DAB1: variants seen among roughly 807,000 people sequenced by gnomAD.
The protein encoded by DAB1 is disabled homolog 1.
In DAB1, 15 loss-of-function variants were observed where a neutral mutation model predicts 64.6. The observed-to-expected ratio is 0.23, with a 90% CI of 0.16 to 0.36. The LOEUF is 0.36. Among genes scored for constraint, DAB1 ranks in the 10% least tolerant of loss-of-function variants. The probability of loss-of-function intolerance (pLI) is 1.00; values close to 1 mark genes in which losing one functional copy is unlikely to be tolerated. For synonymous variants in DAB1, 235 were observed against 251.9 expected (o/e 0.93, Z 0.64); for missense variants, 596 against 706.7 (o/e 0.84, Z 1.78).
intron 4 of DAB1, among the ~76,000 whole-genome samples, chr1:57,116,261 A>G (rs2100737798): frequency 6.6e-6 from 1 of 152,042 alleles, no homozygotes; most frequent in South Asian, 2.1e-4. Context: ...CAGGAGTTCG[A>G]GACCAGCCTG....
chr1:57,742,436 G>A (rs1268371522), intron 6 of DAB1, among the ~76,000 whole-genome samples: 1 of 152,186 alleles, frequency 6.6e-6, no homozygotes, highest in Non-Finnish European at 1.5e-5. Flanking sequence ...ACCCTGGCTG[G>A]TGTCAGTGAG....
In DAB1 at chr1:57,145,447, A is replaced by T; in HGVS notation, c.68-18T>A. The stretch of plus-strand genomic sequence containing the variant: ...ATCCTGACCTAAAAAGAGAAAAAGC[A>T]GATTCAAATATGTAGCTGTGCAGAC... On this transcript the variant is annotated intron_variant, in intron 2 of 14. Transcript: ENST00000371236. 1 of 1,613,726 alleles carries T rather than the reference A, an allele frequency of 6.2e-7. No homozygotes were observed. Among genetic ancestry groups the T allele is most frequent in the Non-Finnish European group, 8.5e-7 (1 of 1,179,742 alleles).
intron 5 of DAB1, among the ~76,000 whole-genome samples, chr1:58,038,355 A>C (rs1367579902): frequency 6.6e-6 from 1 of 152,070 alleles, no homozygotes; most frequent in African/African-American, 2.4e-5. Flanking sequence ...CTGGATTGGC[A>C]ACTAAACAGC....
intron 5 of DAB1, among the ~76,000 whole-genome samples, chr1:57,966,013 A>G (rs1445361415): frequency 6.6e-6 from 1 of 152,198 alleles, no homozygotes; most frequent in Non-Finnish European, 1.5e-5. Flanking sequence ...AAGAGTTAGC[A>G]TCTTGCCTAG....
At chr1:58,090,922 CTT>C (rs1442637548) in intron 5 of DAB1, among the ~76,000 whole-genome samples, 1 of 152,194 alleles carries the variant, frequency 6.6e-6, no homozygotes. Context: ...AGGAAAGAGA[CTT>C]ATATAGTTTA....
chr1:58,257,783 A>T (rs1660965162), intron 4 of DAB1, among the ~76,000 whole-genome samples: 1 of 152,230 alleles, frequency 6.6e-6, no homozygotes, highest in Non-Finnish European at 1.5e-5. Context: ...GGGGGAGCTA[A>T]ACCTCAGAGA....
rs1199328123 is a variant in DAB1, at chr1:58,300,636, G to C, written n.309+42716C>G. ...AGAGAGAGAGAGAGAGAGAGAGAGA[G>C]AGAGAGAGAGAGGAAGGAAGGAAGG... On this transcript the variant is annotated intron_variant and non_coding_transcript_variant, in intron 4 of 20. Coordinates refer to the DAB1 transcript ENST00000485760. 3.4e-3 allele frequency among the ~76,000 whole-genome samples: 199 copies of C among 59,130 alleles called. 3 individuals carry two copies. Among genetic ancestry groups the C allele is most frequent in the African/African-American group, 0.011 (190 of 17,904 alleles). 38.8% of individuals were successfully genotyped at this position (59,130 alleles called of 152,430 possible).
chr1:57,288,288 T>A (rs537401284), intron 2 of DAB1, among the ~76,000 whole-genome samples: 1 of 152,200 alleles, frequency 6.6e-6, no homozygotes, highest in South Asian at 2.1e-4. Flanking sequence ...GTGATGATGA[T>A]GATGATGATA....
intron 4 of DAB1, among the ~76,000 whole-genome samples, chr1:58,187,178 G>A (rs1265451163): frequency 6.6e-6 from 1 of 151,952 alleles, no homozygotes; most frequent in Non-Finnish European, 1.5e-5. Context: ...TCTGACTCCA[G>A]CCAGGCACAG....
At chr1:57,406,963 C>G (rs1490623480) in intron 1 of DAB1, among the ~76,000 whole-genome samples, 3 of 152,206 alleles carry the variant, frequency 2.0e-5, no homozygotes, top group African/African-American at 7.2e-5. Context: ...GATATTTTTA[C>G]CTACAGAACA....
chr1:58,345,879 T>C (rs561337026), intron 3 of DAB1, among the ~76,000 whole-genome samples: 3 of 152,306 alleles, frequency 2.0e-5, no homozygotes, highest in Non-Finnish European at 4.4e-5. Flanking sequence ...GGGGTTATAA[T>C]GTGCCCTGCC....
intron 6 of DAB1, among the ~76,000 whole-genome samples, chr1:57,766,831 G>T (rs1484135687): frequency 6.6e-6 from 1 of 152,146 alleles, no homozygotes; most frequent in Non-Finnish European, 1.5e-5. Flanking sequence ...GTCTAACTTG[G>T]ATACAAATCA....
At chr1:57,409,469 C>A (rs1570469979) in intron 1 of DAB1, among the ~76,000 whole-genome samples, 1 of 152,242 alleles carries the variant, frequency 6.6e-6, no homozygotes, top group African/African-American at 2.4e-5. Context: ...CACTTTTACA[C>A]CCCACACATA....
chr1:58,062,806 G>A (rs970869205), intron 5 of DAB1, among the ~76,000 whole-genome samples: 4 of 152,184 alleles, frequency 2.6e-5, no homozygotes, highest in African/African-American at 4.8e-5. Context: ...ACACAGATGC[G>A]TCTGAAGGAA....
chr1:57,639,615 T>A (rs1243677592), intron 7 of DAB1, among the ~76,000 whole-genome samples: 1 of 152,110 alleles, frequency 6.6e-6, no homozygotes, highest in African/African-American at 2.4e-5. Context: ...AATGTGTCCA[T>A]GAACTAAGGC....
At chr1:57,660,160 A>T (rs1425973167) in intron 6 of DAB1, among the ~76,000 whole-genome samples, 1 of 152,180 alleles carries the variant, frequency 6.6e-6, no homozygotes, top group African/African-American at 2.4e-5. Context: ...TATCTAACCC[A>T]ATACTCAGCA....
At chr1:58,390,969 T>C (rs141972568) in intron 3 of DAB1, among the ~76,000 whole-genome samples, 2 of 152,300 alleles carry the variant, frequency 1.3e-5, no homozygotes, top group Non-Finnish European at 2.9e-5. Flanking sequence ...TCCCCATATG[T>C]TATAATAACG....
At chr1:57,988,676 AG>A (rs1213887754) in intron 5 of DAB1, among the ~76,000 whole-genome samples, 1 of 152,068 alleles carries the variant, frequency 6.6e-6, no homozygotes, top group Non-Finnish European at 1.5e-5. Flanking sequence ...TAGACTCCAA[AG>A]GTTCCCTGGT....
intron 1 of DAB1, among the ~76,000 whole-genome samples, chr1:57,296,716 G>C (rs1292402227): frequency 1.3e-5 from 2 of 152,076 alleles, no homozygotes; most frequent in Non-Finnish European, 2.9e-5. Context: ...ATGACAGACA[G>C]ACAAACAAAT....
Sources: gnomAD v4.1 joint callset for allele counts (sites outside exome capture counted in the v4.1 genomes callset) on GRCh38, gnomAD v4.1.1 for gene constraint, MANE v1.5 for transcripts, NCBI Gene and HGNC (gene_info 2026-07-23, HGNC 2026-07-21) for gene names.